SNX24: variants seen among roughly 807,000 people sequenced by gnomAD.
SNX24 encodes sorting nexin 24.
SNX24 carries 22 observed loss-of-function variants against 28.7 expected under a neutral mutation model. The ratio of observed to expected loss-of-function variants is 0.77; its 90% CI spans 0.55 to 1.10. SNX24 has a LOEUF of 1.10. SNX24 is among the 50% of genes least tolerant of loss of function. The pLI, the probability that SNX24 is intolerant of heterozygous loss-of-function variation, is 0.00. For synonymous variants in SNX24, 69 were observed against 71.5 expected, an observed-to-expected ratio of 0.96 and a Z score of 0.18; for missense variants, 221 against 201.1, an observed-to-expected ratio of 1.10 and a Z score of -0.60.
intron 1 of SNX24, among the ~76,000 whole-genome samples, chr5:122,898,999 A>G (rs559546843): frequency 3.9e-5 from 6 of 152,288 alleles, no homozygotes; most frequent in African/African-American, 1.4e-4. Context: ...TTTATGCATT[A>G]TTGGTGGTGG....
intron 3 of SNX24, among the ~76,000 whole-genome samples, chr5:122,971,522 C>T (rs1353400415): frequency 6.6e-6 from 1 of 152,134 alleles, no homozygotes; most frequent in Non-Finnish European, 1.5e-5. Flanking sequence ...CAAATAAAGA[C>T]AATAATGAGG....
chr5:122,969,416 C>T (rs6860639), intron 3 of SNX24, among the ~76,000 whole-genome samples: 61 of 152,200 alleles, frequency 4.0e-4, no homozygotes, highest in African/African-American at 1.3e-3. Flanking sequence ...TTTCTTGTCT[C>T]CATTTAGACA....
intron 1 of SNX24, among the ~76,000 whole-genome samples, chr5:122,874,226 AG>A (rs1286545886): frequency 6.6e-6 from 1 of 152,262 alleles, no homozygotes; most frequent in African/African-American, 2.4e-5. Context: ...ATCTTAAAAA[AG>A]GGTTACAATT....
chr5:122,902,748 A>G (rs964411102), intron 1 of SNX24, among the ~76,000 whole-genome samples: 2 of 152,142 alleles, frequency 1.3e-5, no homozygotes, highest in Non-Finnish European at 2.9e-5. Context: ...AGTTATTGCT[A>G]TCAGGTGTAT....
intron 6 of SNX24, among the ~76,000 whole-genome samples, chr5:123,002,338 C>G (rs183412399): frequency 6.6e-6 from 1 of 152,220 alleles, no homozygotes; most frequent in East Asian, 1.9e-4. Flanking sequence ...AGGCTCTAGT[C>G]CTTTTTAAAA....
At chr5:122,998,992 T>C (rs1448787417) in intron 3 of SNX24, among the ~76,000 whole-genome samples, 1 of 151,668 alleles carries the variant, frequency 6.6e-6, no homozygotes, top group Non-Finnish European at 1.5e-5. Context: ...AGAATAGTTG[T>C]ATTGAAGTCA....
chr5:122,922,801 T>A (rs1758497284), intron 1 of SNX24, among the ~76,000 whole-genome samples: 1 of 152,168 alleles, frequency 6.6e-6, no homozygotes. Context: ...GTTTTTATAT[T>A]CATTATTTGT....
At chr5:122,967,179 C>A (rs1581808912) in intron 3 of SNX24, among the ~76,000 whole-genome samples, 2 of 152,282 alleles carry the variant, frequency 1.3e-5, no homozygotes, top group Admixed American at 6.5e-5. Flanking sequence ...CTTTTAAGAA[C>A]CTGTGCTGGG....
At chr5:122,979,147 A>G (rs916912658) in intron 3 of SNX24, among the ~76,000 whole-genome samples, 3 of 152,210 alleles carry the variant, frequency 2.0e-5, no homozygotes, top group Non-Finnish European at 2.9e-5. Flanking sequence ...GAGGCCGGGT[A>G]TTGATTAACT....
intron 2 of SNX24, among the ~76,000 whole-genome samples, chr5:122,937,958 A>G (rs1759247474): frequency 6.6e-6 from 1 of 152,146 alleles, no homozygotes; most frequent in Non-Finnish European, 1.5e-5. Context: ...ACCTGATGAA[A>G]TAAGTCCCTA....
At chr5:122,988,038 C>T (rs1761678362) in intron 3 of SNX24, among the ~76,000 whole-genome samples, 1 of 152,136 alleles carries the variant, frequency 6.6e-6, no homozygotes, top group African/African-American at 2.4e-5. Context: ...GCATGCCTGT[C>T]AGGTGTTCCC....
At chr5:122,857,584 C>T (rs1467430843) in intron 1 of SNX24, among the ~76,000 whole-genome samples, 1 of 151,992 alleles carries the variant, frequency 6.6e-6, no homozygotes, top group Non-Finnish European at 1.5e-5. Context: ...CAGTAGGCCC[C>T]AGTGTCTGTT....
chr5:122,991,125 G>A (rs1449744471), intron 3 of SNX24, among the ~76,000 whole-genome samples: 1 of 152,096 alleles, frequency 6.6e-6, no homozygotes, highest in Admixed American at 6.5e-5. Flanking sequence ...TCAAGCTCCT[G>A]ACCTCAAGTG....
chr5:122,869,071 A>T (rs1021664240), intron 1 of SNX24, among the ~76,000 whole-genome samples: 1 of 152,218 alleles, frequency 6.6e-6, no homozygotes, highest in African/African-American at 2.4e-5. Context: ...GTGCAACCAA[A>T]TTTTTAAAAT....
At chr5:122,852,746 G>A (rs1754981354) in intron 1 of SNX24, among the ~76,000 whole-genome samples, 1 of 152,124 alleles carries the variant, frequency 6.6e-6, no homozygotes, top group Non-Finnish European at 1.5e-5. Flanking sequence ...ACACAGAATT[G>A]CAGAGGAATT....
intron 3 of SNX24, among the ~76,000 whole-genome samples, chr5:122,993,401 C>G (rs1013214299): frequency 2.0e-5 from 3 of 151,276 alleles, no homozygotes; most frequent in African/African-American, 7.3e-5. Flanking sequence ...CGGGTTCATG[C>G]CATTCTCCTG....
rs1762465757 is a variant in SNX24, at chr5:123,007,732, C to T, written c.493C>T (p.His165Tyr). 1 of 1,598,958 alleles carries T rather than the reference C, an allele frequency of 6.3e-7. No homozygotes were observed. Among genetic ancestry groups the T allele is most frequent in the Admixed American group, 1.8e-5 (1 of 56,758 alleles). The change falls in exon 7 of 7, where the codon CAT (histidine) becomes TAT (tyrosine). Residue 165 changes from histidine (H) to tyrosine (Y), a missense_variant. Transcript: ENST00000261369. Reference sequence around the variant, plus strand: ...AGTCCTCCATGGGATATTTTACCCTCATCTACAGCCCAGGTAGAAATCCTA... The same window carrying T: ...AGTCCTCCATGGGATATTTTACCCTTATCTACAGCCCAGGTAGAAATCCTA... ...EGVLHGIFYP[H>Y]LQPR
In SNX24 at chr5:122,917,806, T is replaced by C. The variant is rs369788006; in HGVS notation, c.61-18928T>C. ...ACTATTTAAAATAATGCCGGCCGGG[T>C]GCGGTGGCTTACACCTGTAATCCCA... is the stretch of plus-strand genomic sequence containing the variant. On this transcript the variant is annotated intron_variant, in intron 1 of 6. Transcript: ENST00000261369. 1.2e-4 allele frequency among the ~76,000 whole-genome samples: 18 copies of C among 152,132 alleles called. 2 individuals are homozygous for C. Among genetic ancestry groups the C allele is most frequent in the East Asian group, 3.9e-4 (2 of 5,172 alleles).
chr5:122,853,706 C>T lies in SNX24; in HGVS notation c.60+8013C>T, dbSNP rs1240000899. 4 of 413,714 alleles carry T rather than the reference C, an allele frequency of 9.7e-6. No individual in the cohort carries two copies. In the Admixed American group the frequency reaches 1.0e-4, roughly 10 times the overall value. The allele number at this position is 413,714 out of a possible 1,614,324, so 25.6% of individuals were successfully genotyped here. A position where few individuals can be genotyped will look rare whatever the true frequency, so the allele number is the denominator to read the frequency against. ...TCTTGCAGTGTTGCCCAGGCAGGCCCTGAACTCCTGGTCTCAAGCGATCCT... is the reference window on the plus strand; with the variant it reads ...TCTTGCAGTGTTGCCCAGGCAGGCCTTGAACTCCTGGTCTCAAGCGATCCT... On this transcript the variant is annotated intron_variant, in intron 1 of 6. Transcript: ENST00000261369.
Sources: gnomAD v4.1 joint callset for allele counts (sites outside exome capture counted in the v4.1 genomes callset) on GRCh38, gnomAD v4.1.1 for gene constraint, MANE v1.5 for transcripts, NCBI Gene and HGNC (gene_info 2026-07-23, HGNC 2026-07-21) for gene names.